Variants in RALYL observed in about 807,000 individuals in gnomAD.
RALYL encodes the protein RALY RNA binding protein like, also known as RNA-binding Raly-like protein.
A neutral mutation model predicts 35.1 loss-of-function variants in RALYL; 29 were observed. The observed-to-expected ratio is 0.83, with a 90% CI of 0.61 to 1.13. The LOEUF (loss-of-function observed/expected upper bound fraction) is 1.13, where lower values mean the gene tolerates loss of function less well. RALYL is among the 50% of genes most tolerant of loss of function. RALYL has a pLI of 0.00. For synonymous variants in RALYL, 120 were observed against 127.6 expected, an observed-to-expected ratio of 0.94 and a Z score of 0.40; for missense variants, 359 against 360.4, an observed-to-expected ratio of 1.00 and a Z score of 0.03.
At chr8:84,664,472 T>C (rs1831574070) in intron 2 of RALYL, among the ~76,000 whole-genome samples, 1 of 152,070 alleles carries the variant, frequency 6.6e-6, no homozygotes, top group Non-Finnish European at 1.5e-5. Flanking sequence ...GAGCATGGAA[T>C]GTGTTTCCAT....
chr8:84,366,763 CAAA>C (rs1166208925), intron 1 of RALYL, among the ~76,000 whole-genome samples: 3 of 56,678 alleles, frequency 5.3e-5, no homozygotes, highest in Admixed American at 2.9e-4. Flanking sequence ...ATTTTTGTCT[CAAA>C]AAAAAAAAAA....
At chr8:84,738,322 G>A (rs1034375330) in intron 2 of RALYL, among the ~76,000 whole-genome samples, 1 of 151,958 alleles carries the variant, frequency 6.6e-6, no homozygotes, top group African/African-American at 2.4e-5. Flanking sequence ...AAGAGACATA[G>A]TTAAGACCAT....
At chr8:84,496,443 G>A (rs2056026703) in intron 1 of RALYL, among the ~76,000 whole-genome samples, 1 of 152,042 alleles carries the variant, frequency 6.6e-6, no homozygotes, top group African/African-American at 2.4e-5. Context: ...CAACTGACAG[G>A]ATATTCCCCC....
intron 1 of RALYL, among the ~76,000 whole-genome samples, chr8:84,495,908 A>T (rs1363961653): frequency 6.6e-6 from 1 of 152,144 alleles, no homozygotes; most frequent in Admixed American, 6.6e-5. Flanking sequence ...TAGACTTTGA[A>T]TATAGCCAAA....
intron 1 of RALYL, among the ~76,000 whole-genome samples, chr8:84,338,283 C>T (rs556447561): frequency 2.0e-5 from 3 of 151,812 alleles, no homozygotes; most frequent in African/African-American, 7.3e-5. Flanking sequence ...GACCATAGTG[C>T]AGACTCCTGT....
intron 3 of RALYL, among the ~76,000 whole-genome samples, chr8:84,784,994 G>A (rs1402793123): frequency 6.6e-6 from 1 of 151,918 alleles, no homozygotes; most frequent in East Asian, 1.9e-4. Flanking sequence ...AACTCTGAGA[G>A]TTGACATCTA....
At chr8:84,705,997 T>A in intron 2 of RALYL, 1 of 1,535,136 alleles carries the variant, frequency 6.5e-7, no homozygotes, top group Non-Finnish European at 8.7e-7. Context: ...AATCAATTAC[T>A]TCTTAGAAAG....
chr8:84,659,364 C>T (rs1175796887), intron 2 of RALYL, among the ~76,000 whole-genome samples: 1 of 151,994 alleles, frequency 6.6e-6, no homozygotes, highest in Non-Finnish European at 1.5e-5. Context: ...CTGCGGTGTT[C>T]CCCATTAGGC....
At chr8:84,750,364 A>G (rs767565169) in intron 2 of RALYL, among the ~76,000 whole-genome samples, 11 of 152,180 alleles carry the variant, frequency 7.2e-5, no homozygotes, top group Admixed American at 1.3e-4. Context: ...CTATCTAAGA[A>G]TGATGTGGTA....
chr8:84,702,290 C>T (rs925890763), intron 2 of RALYL, among the ~76,000 whole-genome samples: 1 of 152,102 alleles, frequency 6.6e-6, no homozygotes, highest in African/African-American at 2.4e-5. Flanking sequence ...TAAGTTTCCC[C>T]TAGAAGCTAC....
At chr8:84,898,238 G>T (rs185183032) in intron 8 of RALYL, among the ~76,000 whole-genome samples, 1 of 152,142 alleles carries the variant, frequency 6.6e-6, no homozygotes, top group South Asian at 2.1e-4. Context: ...ACTCTGGGGC[G>T]GACCCCAGTC....
chr8:84,284,400 G>A (rs907922355), intron 1 of RALYL, among the ~76,000 whole-genome samples: 1 of 152,146 alleles, frequency 6.6e-6, no homozygotes, highest in Admixed American at 6.6e-5. Context: ...TATGATGTTA[G>A]GCTATATAAA....
chr8:84,485,845 G>A (rs958297542), intron 1 of RALYL, among the ~76,000 whole-genome samples: 22 of 151,878 alleles, frequency 1.4e-4, no homozygotes, highest in African/African-American at 5.1e-4. Context: ...TTATCATTAC[G>A]TCTTGTCTAC....
intron 2 of RALYL, among the ~76,000 whole-genome samples, chr8:84,755,758 A>G (rs951741211): frequency 6.6e-6 from 1 of 152,020 alleles, no homozygotes; most frequent in Admixed American, 6.6e-5. Flanking sequence ...GAAATACAAG[A>G]GAATTCTAAT....
chr8:84,281,007 A>G (rs1361697386), intron 1 of RALYL, among the ~76,000 whole-genome samples: 2 of 152,128 alleles, frequency 1.3e-5, no homozygotes, highest in Non-Finnish European at 2.9e-5. Flanking sequence ...GAGGAGGTGC[A>G]TTATCACCAG....
chr8:84,638,704 T>C (rs563362602), intron 2 of RALYL, among the ~76,000 whole-genome samples: 1 of 150,958 alleles, frequency 6.6e-6, no homozygotes, highest in African/African-American at 2.4e-5. Flanking sequence ...CTATGCAGTG[T>C]ACAGTGGCAA....
chr8:84,832,190 T>C (rs1173650408), intron 4 of RALYL, among the ~76,000 whole-genome samples: 1 of 152,172 alleles, frequency 6.6e-6, no homozygotes, highest in Non-Finnish European at 1.5e-5. Context: ...CTTATTACTA[T>C]TTTACTTTGA....
At chr8:84,675,274 C>T (rs1438818618) in intron 2 of RALYL, among the ~76,000 whole-genome samples, 3 of 151,946 alleles carry the variant, frequency 2.0e-5, no homozygotes, top group African/African-American at 4.8e-5. Context: ...CTTTGGATGA[C>T]TTGGGTGGTT....
chr8:84,383,752 G>A (rs564937737), intron 1 of RALYL, among the ~76,000 whole-genome samples: 1 of 150,332 alleles, frequency 6.7e-6, no homozygotes, highest in Admixed American at 6.6e-5. Flanking sequence ...GAAAAAAGAG[G>A]ATGGGGTGAT....
Sources: gnomAD v4.1 joint callset for allele counts (sites outside exome capture counted in the v4.1 genomes callset) on GRCh38, gnomAD v4.1.1 for gene constraint, MANE v1.5 for transcripts, NCBI Gene and HGNC (gene_info 2026-07-23, HGNC 2026-07-21) for gene names.